The following SDK1 variants were observed in gnomAD, a reference collection of about 807,000 sequenced individuals.
SDK1 encodes protein sidekick-1.
A neutral mutation model predicts 245.5 loss-of-function variants in SDK1; 157 were observed. The ratio of observed to expected loss-of-function variants is 0.64; its 90% confidence interval spans 0.56 to 0.73. SDK1 has a LOEUF of 0.73. Ranked by LOEUF, SDK1 falls within the 30% of genes least tolerant of loss-of-function variation. The probability of loss-of-function intolerance (pLI) is 0.00; values close to 1 mark genes in which losing one functional copy is unlikely to be tolerated. For synonymous variants in SDK1, 1,647 were observed against 1,278.5 expected (o/e 1.29, Z -6.15); for missense variants, 3,583 against 3,002.3 (o/e 1.19, Z -4.52).
chr7:4,265,473 G>C lies in SDK1; in HGVS notation c.*89G>C. 1 of 1,371,186 alleles carries C rather than the reference G, an allele frequency of 7.3e-7. No homozygotes were observed. Among genetic ancestry groups the C allele is most frequent in the South Asian group, 1.8e-5 (1 of 56,984 alleles). The allele number at this position is 1,371,186 out of a possible 1,614,324, so 84.9% of individuals were successfully genotyped here. A position where few individuals can be genotyped will look rare whatever the true frequency, so the allele number is the denominator to read the frequency against. Reference sequence around the variant, plus strand: ...GACAATCAACTCCAATAACTGAGCTGAAGTTTTTGTTTAAAAAGAAAAAAA... The same window carrying C: ...GACAATCAACTCCAATAACTGAGCTCAAGTTTTTGTTTAAAAAGAAAAAAA... On this transcript the variant is annotated 3_prime_UTR_variant, in exon 45 of 45. Coordinates refer to ENST00000404826, the MANE Select transcript of SDK1 (RefSeq NM_152744.4).
intron 35 of SDK1, among the ~76,000 whole-genome samples, chr7:4,181,042 A>G (rs1385067989): frequency 6.6e-6 from 1 of 152,176 alleles, no homozygotes; most frequent in Non-Finnish European, 1.5e-5. Context: ...ACCAACATCC[A>G]TCGCTGGAGC....
intron 14 of SDK1, among the ~76,000 whole-genome samples, chr7:4,002,902 C>G (rs951236694): frequency 6.6e-6 from 1 of 152,234 alleles, no homozygotes; most frequent in Non-Finnish European, 1.5e-5. Flanking sequence ...CCAGGTCGCT[C>G]TGTTCATCTT....
intron 5 of SDK1, among the ~76,000 whole-genome samples, chr7:3,939,558 A>G (rs771861532): frequency 1.3e-5 from 2 of 151,730 alleles, no homozygotes; most frequent in Non-Finnish European, 2.9e-5. Flanking sequence ...GCCACAAGAG[A>G]CTTACCTCTT....
chr7:3,522,637 C>T (rs538691782), intron 1 of SDK1, among the ~76,000 whole-genome samples: 8 of 152,122 alleles, frequency 5.3e-5, no homozygotes, highest in Admixed American at 2.0e-4. Context: ...GACCTTTGAA[C>T]GACTTCTTAC....
intron 17 of SDK1, among the ~76,000 whole-genome samples, chr7:4,043,296 A>G (rs73673282): frequency 4.8e-4 from 67 of 140,672 alleles, no homozygotes; most frequent in African/African-American, 1.8e-3. Flanking sequence ...TGTCACAGCC[A>G]GGGGCCCAGG....
At chr7:3,506,592 A>G (rs979275723) in intron 1 of SDK1, among the ~76,000 whole-genome samples, 5 of 152,094 alleles carry the variant, frequency 3.3e-5, no homozygotes, top group African/African-American at 1.2e-4. Flanking sequence ...ATCATATTAT[A>G]TTGTTTGCTG....
chr7:3,612,912 C>A (rs1281003840), intron 1 of SDK1, among the ~76,000 whole-genome samples: 1 of 152,082 alleles, frequency 6.6e-6, no homozygotes, highest in Non-Finnish European at 1.5e-5. Flanking sequence ...GACTACCCCC[C>A]ACCCCCCTTG....
chr7:3,473,500 T>C (rs1187007792), intron 1 of SDK1, among the ~76,000 whole-genome samples: 1 of 152,210 alleles, frequency 6.6e-6, no homozygotes, highest in Non-Finnish European at 1.5e-5. Flanking sequence ...ACCAGTAGTT[T>C]GTGGAGCTTT....
intron 1 of SDK1, among the ~76,000 whole-genome samples, chr7:3,507,510 T>C (rs917501593): frequency 3.9e-5 from 6 of 152,192 alleles, no homozygotes; most frequent in Non-Finnish European, 1.5e-5. Flanking sequence ...TTTCTGGTTG[T>C]TGACTGCAGG....
chr7:3,664,708 C>T (rs1370948821), intron 4 of SDK1, among the ~76,000 whole-genome samples: 4 of 150,220 alleles, frequency 2.7e-5, no homozygotes, highest in Admixed American at 2.7e-4. Context: ...CCACTGCACT[C>T]CAGCCTGGGC....
intron 18 of SDK1, among the ~76,000 whole-genome samples, chr7:4,049,914 A>C (rs1033259390): frequency 2.0e-5 from 3 of 152,164 alleles, no homozygotes; most frequent in Admixed American, 6.5e-5. Context: ...AAGAACTGAG[A>C]CCAGTTGATT....
intron 4 of SDK1, among the ~76,000 whole-genome samples, chr7:3,665,197 A>G (rs1011866848): frequency 1.3e-5 from 2 of 152,120 alleles, no homozygotes; most frequent in African/African-American, 4.8e-5. Flanking sequence ...TCAACAGGAG[A>G]CCCACACATG....
chr7:3,597,305 G>C (rs1465493248), intron 1 of SDK1, among the ~76,000 whole-genome samples: 1 of 149,484 alleles, frequency 6.7e-6, no homozygotes, highest in Non-Finnish European at 1.5e-5. Context: ...GGATGTTACA[G>C]TCTGTTTATG....
rs534171054 is a variant in SDK1 at position 3,440,682 on chromosome 7, T to G, written c.298+138798T>G. The stretch of plus-strand genomic sequence containing the variant: ...AATGAAAAGGTGAACGTTCTTGACT[T>G]AAGAAGGAAAGAGAAAAATATGCTG... On this transcript the variant is annotated intron_variant, in intron 1 of 44. Transcript: ENST00000404826. 2.6e-5 allele frequency among the ~76,000 whole-genome samples: 4 copies of G among 152,230 alleles called. No individual in the cohort carries two copies. In the South Asian group the frequency reaches 8.3e-4, roughly 32 times the overall value.
chr7:3,574,240 C>A (rs1373011346), intron 1 of SDK1, among the ~76,000 whole-genome samples: 1 of 151,864 alleles, frequency 6.6e-6, no homozygotes, highest in Non-Finnish European at 1.5e-5. Context: ...TCTCAGCCTC[C>A]CGAGCAGCTG....
chr7:3,625,159 A>G (rs143188537), intron 2 of SDK1, among the ~76,000 whole-genome samples: 5 of 152,352 alleles, frequency 3.3e-5, no homozygotes, highest in African/African-American at 9.6e-5. Context: ...TTTAGATACA[A>G]TGAACAATTA....
intron 4 of SDK1, among the ~76,000 whole-genome samples, chr7:3,723,476 G>C (rs796729015): frequency 2.0e-5 from 3 of 152,256 alleles, no homozygotes; most frequent in Admixed American, 6.5e-5. Context: ...TATTTCTTCA[G>C]TTTTTCTTTA....
At chr7:4,036,717 C>G (rs1196178508) in intron 17 of SDK1, among the ~76,000 whole-genome samples, 1 of 152,092 alleles carries the variant, frequency 6.6e-6, no homozygotes, top group African/African-American at 2.4e-5. Context: ...ATGAAAGAGA[C>G]CTCTGAGAGC....
At chr7:3,623,843 T>C (rs1750732956) in intron 2 of SDK1, among the ~76,000 whole-genome samples, 1 of 152,164 alleles carries the variant, frequency 6.6e-6, no homozygotes, top group African/African-American at 2.4e-5. Flanking sequence ...AATTTTATAG[T>C]TTTCTTATGT....
Sources: allele counts gnomAD v4.1 joint callset (sites outside exome capture counted in the v4.1 genomes callset), GRCh38; gene constraint gnomAD v4.1.1; transcripts MANE v1.5; gene names NCBI Gene and HGNC (gene_info 2026-07-23, HGNC 2026-07-21).